MOCOS: variants seen among roughly 807,000 people sequenced by gnomAD.
MOCOS encodes human molybdenum cofactor sulfurase.
A neutral mutation model predicts 83.6 loss-of-function variants in MOCOS; 86 were observed. That is an observed-to-expected ratio of 1.03 (90% CI 0.86 to 1.23). The LOEUF is 1.23. MOCOS is among the 50% of genes most tolerant of loss of function. The pLI, the probability that MOCOS is intolerant of heterozygous loss-of-function variation, is 0.00. For missense variants in MOCOS, 1,120 were observed against 1,126.9 expected (o/e 0.99, Z 0.09); for synonymous variants, 445 against 434.7 (o/e 1.02, Z -0.29).
chr18:36,215,524 T>C lies in MOCOS; in HGVS notation c.1344T>C (p.His448=). Residue 448 remains histidine (H), a synonymous_variant, in exon 8 of 15, where the codon CAT becomes CAC. Transcript: ENST00000261326. ...CTTCCCTCTTATCCTAGGCTGGTCA[T>C]GTCTGTGGGGACAATATGGACCTCA... ...EMVRKHFQAG[H]VCGDNMDLID... 1.2e-6 allele frequency: 2 copies of C among 1,613,988 alleles called. No homozygotes were observed. Among genetic ancestry groups the C allele is most frequent in the Non-Finnish European group, 1.7e-6 (2 of 1,179,972 alleles).
chr18:36,251,031 C>A, intron 10 of MOCOS, 128 bp from the exon 11 acceptor site: 1 of 1,180,218 alleles, frequency 8.5e-7, no homozygotes, highest in Non-Finnish European at 1.2e-6. Context: ...TCTGTCACTT[C>A]AGGCTGCCTT....
chr18:36,231,769 A>G (rs150542641), intron 9 of MOCOS, among the ~76,000 whole-genome samples: 378 of 152,308 alleles, frequency 2.5e-3, no homozygotes, highest in African/African-American at 8.3e-3. Context: ...AAATCTTTCA[A>G]AATAATTTAC....
chr18:36,262,070 CT>C (rs1174195651), intron 13 of MOCOS, among the ~76,000 whole-genome samples: 14 of 152,166 alleles, frequency 9.2e-5, no homozygotes. Context: ...GCAGGCTTTG[CT>C]TTCTTTAGGT....
chr18:36,230,022 T>C (rs2091532057), intron 9 of MOCOS, among the ~76,000 whole-genome samples: 1 of 152,128 alleles, frequency 6.6e-6, no homozygotes, highest in Non-Finnish European at 1.5e-5. Context: ...GTTCTTTTGT[T>C]TGGAACATCT....
chr18:36,224,679 A>G (rs2091508846), intron 9 of MOCOS, among the ~76,000 whole-genome samples: 1 of 152,102 alleles, frequency 6.6e-6, no homozygotes, highest in Non-Finnish European at 1.5e-5. Flanking sequence ...TGTTAGATTA[A>G]GTTTTGTTGA....
intron 4 of MOCOS, among the ~76,000 whole-genome samples, chr18:36,202,223 A>C (rs1204765874): frequency 6.6e-6 from 1 of 152,238 alleles, no homozygotes; most frequent in Non-Finnish European, 1.5e-5. Context: ...TTTATAACTC[A>C]GCGAAGTACA....
chr18:36,214,845 T>C (rs958060675), intron 7 of MOCOS, among the ~76,000 whole-genome samples: 5 of 152,184 alleles, frequency 3.3e-5, no homozygotes, highest in African/African-American at 1.2e-4. Context: ...GCTCCATTTG[T>C]TCGGGTGTCT....
At chr18:36,253,265 G>A (rs1337746749) in intron 11 of MOCOS, among the ~76,000 whole-genome samples, 2 of 152,176 alleles carry the variant, frequency 1.3e-5, no homozygotes, top group African/African-American at 4.8e-5. Context: ...TAGCAATGCT[G>A]CAACGTAAGA....
chr18:36,223,851 A>T (rs1473317179), intron 9 of MOCOS, among the ~76,000 whole-genome samples: 1 of 152,010 alleles, frequency 6.6e-6, no homozygotes, highest in Non-Finnish European at 1.5e-5. Flanking sequence ...TTTAAAAGAG[A>T]TTTAGGGTCT....
chr18:36,231,822 C>T (rs1391881884), intron 9 of MOCOS, among the ~76,000 whole-genome samples: 13 of 152,194 alleles, frequency 8.5e-5, no homozygotes, highest in Non-Finnish European at 1.5e-5. Flanking sequence ...CCCATTCAGG[C>T]TCTTCCATAA....
chr18:36,242,519 T>C (rs1432236771), intron 9 of MOCOS, among the ~76,000 whole-genome samples: 3 of 152,254 alleles, frequency 2.0e-5, no homozygotes, highest in Non-Finnish European at 4.4e-5. Context: ...TTCAAGTATC[T>C]TTGTAGCCAT....
At chr18:36,188,934 C>G (rs2091354255) in intron 1 of MOCOS, among the ~76,000 whole-genome samples, 1 of 146,894 alleles carries the variant, frequency 6.8e-6, no homozygotes, top group East Asian at 2.1e-4. Flanking sequence ...CTCTCTCTCT[C>G]TCTCAACTAT....
intron 8 of MOCOS, among the ~76,000 whole-genome samples, chr18:36,218,655 C>T (rs535084984): frequency 3.3e-5 from 5 of 152,090 alleles, no homozygotes; most frequent in African/African-American, 9.6e-5. Flanking sequence ...GCTGAGACTA[C>T]AGGCATACAC....
chr18:36,192,153 G>A (rs1020304161), intron 1 of MOCOS, among the ~76,000 whole-genome samples: 3 of 152,112 alleles, frequency 2.0e-5, no homozygotes, highest in Non-Finnish European at 4.4e-5. Context: ...GATCCAGATT[G>A]GAAAGAAGTA....
intron 1 of MOCOS, among the ~76,000 whole-genome samples, chr18:36,187,969 C>T (rs571129918): frequency 9.2e-5 from 14 of 152,362 alleles, no homozygotes; most frequent in African/African-American, 3.4e-4. Flanking sequence ...ATGGTTCTTG[C>T]CCTCTCTTGC....
chr18:36,215,685 A>T lies in MOCOS; in HGVS notation c.1505A>T (p.His502Leu). The change falls in exon 8 of 15, where the codon CAT becomes CTT. Residue 502 changes from histidine (H) to leucine (L), a missense_variant. Physicochemically the swap from His to Leu is moderately conservative, Grantham distance 99. Coordinates refer to ENST00000261326, the MANE Select transcript of MOCOS (RefSeq NM_017947.4). Reference protein sequence around the residue: ...SSGDWPVPQAHADTGETGAPS... With the variant: ...SSGDWPVPQALADTGETGAPS... The stretch of plus-strand genomic sequence containing the variant: ...GGGGACTGGCCTGTCCCTCAGGCCC[A>T]TGCTGACACCGGGGAGACTGGAGCC... The T allele has an allele frequency of 1.9e-6, 3 of 1,614,190 alleles. No individual in the cohort carries two copies. Among genetic ancestry groups the T allele is most frequent in the Non-Finnish European group, 2.5e-6 (3 of 1,180,026 alleles).
At chr18:36,258,181 C>G (rs1568069112) in intron 12 of MOCOS, among the ~76,000 whole-genome samples, 1 of 152,046 alleles carries the variant, frequency 6.6e-6, no homozygotes, top group Non-Finnish European at 1.5e-5. Context: ...CTTGCTGTCA[C>G]CCCAGTTCCT....
chr18:36,216,006 T>C, intron 8 of MOCOS, 29 bp downstream of exon 8: 1 of 1,587,566 alleles, frequency 6.3e-7, no homozygotes, highest in East Asian at 2.2e-5. Context: ...GCACAGAAAG[T>C]CTTCTCTTTG....
chr18:36,197,450 A>T (rs201465974), intron 2 of MOCOS, among the ~76,000 whole-genome samples: 8,390 of 149,888 alleles, frequency 0.056, 335 homozygotes, highest in East Asian at 0.17. Context: ...GTGAGGAGAG[A>T]TTTTTTTTTT....
Sources: allele counts gnomAD v4.1 joint callset (sites outside exome capture counted in the v4.1 genomes callset), GRCh38; gene constraint gnomAD v4.1.1; transcripts MANE v1.5; gene names NCBI Gene and HGNC (gene_info 2026-07-23, HGNC 2026-07-21).